GPC6: variants seen among roughly 807,000 people sequenced by gnomAD.
GPC6 encodes the protein glypican-6.
Under a neutral mutation model 55.2 loss-of-function variants are expected in GPC6, and 14 were observed. The ratio of observed to expected loss-of-function variants is 0.25; its 90% CI spans 0.17 to 0.40. GPC6 has a LOEUF of 0.40. GPC6 is among the 10% of genes least tolerant of loss of function. The pLI is 1.00. For synonymous variants in GPC6, 278 were observed against 259.6 expected, an observed-to-expected ratio of 1.07 and a Z score of -0.68; for missense variants, 641 against 708.5, an observed-to-expected ratio of 0.90 and a Z score of 1.08.
chr13:94,285,364 C>G (rs2139083288), intron 4 of GPC6, among the ~76,000 whole-genome samples: 1 of 152,206 alleles, frequency 6.6e-6, no homozygotes, highest in Non-Finnish European at 1.5e-5. Context: ...GCTTCAGAAC[C>G]TACAAGCCTA....
rs1470861367 is a variant in GPC6, at chr13:93,338,186, A to G, written c.160+110570A>G. ...AACGAGTGATTTCCACTGCAAAGTC[A>G]TTATCCCCGGTGAGTTGAATATGGG... On this transcript the variant is annotated intron_variant, in intron 1 of 8. Coordinates refer to ENST00000377047, the MANE Select transcript of GPC6 (RefSeq NM_005708.5). Among the ~76,000 whole-genome samples, 4 of 152,208 alleles carry G rather than the reference A, an allele frequency of 2.6e-5. No individual in the cohort carries two copies. In the South Asian group the frequency reaches 6.2e-4, roughly 24 times the overall value.
intron 2 of GPC6, among the ~76,000 whole-genome samples, chr13:93,776,227 T>G (rs1885462007): frequency 6.6e-6 from 1 of 152,158 alleles, no homozygotes; most frequent in African/African-American, 2.4e-5. Context: ...ATTATGTTAA[T>G]AGTGTTATTA....
rs1425978297 is a variant in GPC6, at chr13:94,135,310, A to G, written c.877+107416A>G. Among the ~76,000 whole-genome samples, 5 of 151,930 alleles carry G rather than the reference A, an allele frequency of 3.3e-5. No individual in the cohort carries two copies. The East Asian group carries it at 9.6e-4, about 29-fold the overall frequency. ...ATTAATTATATCTGAGATTTGACTTACACATTAGATGATTAAATATGTGCA... is the reference window on the plus strand; with the variant it reads ...ATTAATTATATCTGAGATTTGACTTGCACATTAGATGATTAAATATGTGCA... On this transcript the variant is annotated intron_variant, in intron 4 of 8. Transcript: ENST00000377047.
chr13:93,830,382 G>T lies in GPC6; in HGVS notation c.548G>T (p.Ser183Ile), dbSNP rs778531720. ...CTGATAAACCCTCAGTATCACTTCA[G>T]TGAAGACTACCTGGAATGTGTGAGC... ...FQLINPQYHFSEDYLECVSKY... is the reference protein window; with the variant it reads ...FQLINPQYHFIEDYLECVSKY... Residue 183 changes from serine (S) to isoleucine (I), a missense_variant, in exon 3 of 9, where the codon AGT (serine) becomes ATT (isoleucine). Physicochemically the swap from Ser to Ile is moderately radical, Grantham distance 142. Transcript: ENST00000377047. The T allele has an allele frequency of 2.5e-6, 4 of 1,613,928 alleles. No homozygotes were observed. The East Asian group carries it at 8.9e-5, about 36-fold the overall frequency.
chr13:93,670,103 T>C (rs1489460200), intron 2 of GPC6, among the ~76,000 whole-genome samples: 1 of 152,174 alleles, frequency 6.6e-6, no homozygotes, highest in Non-Finnish European at 1.5e-5. Flanking sequence ...CAGTTAAGTC[T>C]TCCTTTGGGA....
chr13:93,716,194 T>G (rs757532858), intron 2 of GPC6, among the ~76,000 whole-genome samples: 50 of 151,668 alleles, frequency 3.3e-4, no homozygotes, highest in Non-Finnish European at 5.9e-4. Flanking sequence ...TAAGTTACTA[T>G]GTCACTAATT....
chr13:94,233,864 AC>A (rs1391604838), intron 4 of GPC6, among the ~76,000 whole-genome samples: 1 of 152,170 alleles, frequency 6.6e-6, no homozygotes, highest in Non-Finnish European at 1.5e-5. Context: ...ACAGAAAAAA[AC>A]ATAGCATATA....
At chr13:94,358,642 GA>G (rs896000455) in intron 6 of GPC6, among the ~76,000 whole-genome samples, 1 of 152,188 alleles carries the variant, frequency 6.6e-6, no homozygotes, top group African/African-American at 2.4e-5. Context: ...TACAAGTTAA[GA>G]GTGCGAATCT....
chr13:93,352,122 T>C (rs1880652418), intron 1 of GPC6, among the ~76,000 whole-genome samples: 1 of 152,150 alleles, frequency 6.6e-6, no homozygotes, highest in Non-Finnish European at 1.5e-5. Context: ...GGATGTTCCC[T>C]TTTGAGGTGA....
At chr13:93,859,124 C>T in intron 3 of GPC6, among the ~76,000 whole-genome samples, 1 of 151,478 alleles carries the variant, frequency 6.6e-6, no homozygotes, top group East Asian at 2.0e-4. Flanking sequence ...ACCCAGCTAG[C>T]ATGTGGGCAA....
rs139769118 is a variant in GPC6 at position 94,252,435 on chromosome 13, G to A, written c.878-33914G>A. Among the ~76,000 whole-genome samples the A allele has an allele frequency of 7.7e-4, 117 of 152,094 alleles. No homozygotes were observed. The East Asian group carries it at 0.02, about 26-fold the overall frequency. Reference sequence around the variant, plus strand: ...CTCATATTTATTTTGTCATGATTACGCAATAAAAGGGGATTTTTATTATGT... The same window carrying A: ...CTCATATTTATTTTGTCATGATTACACAATAAAAGGGGATTTTTATTATGT... On this transcript the variant is annotated intron_variant, in intron 4 of 8. Coordinates refer to ENST00000377047, the MANE Select transcript of GPC6 (RefSeq NM_005708.5).
rs1419950444 is a variant in GPC6 at position 94,403,406 on chromosome 13, C to T, written c.*189C>T. The stretch of plus-strand genomic sequence containing the variant: ...TACCGGGTGCCAGACTGAACTGCTT[C>T]CTCTTTCCTTCAGCTATCTGTGGGG... On this transcript the variant is annotated 3_prime_UTR_variant, in exon 9 of 9. Transcript: ENST00000377047. 1.6e-6 allele frequency: 1 copy of T among 645,142 alleles called. No individual in the cohort carries two copies. Among genetic ancestry groups the T allele is most frequent in the Admixed American group, 2.2e-5 (1 of 45,976 alleles). The allele number at this position is 645,142 out of a possible 1,614,324, so 40.0% of individuals were successfully genotyped here.
intron 2 of GPC6, among the ~76,000 whole-genome samples, chr13:93,621,255 C>A (rs571141025): frequency 1.3e-4 from 20 of 152,198 alleles, no homozygotes; most frequent in Non-Finnish European, 2.4e-4. Context: ...GGTGACCTGG[C>A]GGTGATCCAT....
intron 1 of GPC6, among the ~76,000 whole-genome samples, chr13:93,258,487 T>C (rs1877030193): frequency 6.6e-6 from 1 of 152,146 alleles, no homozygotes; most frequent in South Asian, 2.1e-4. Context: ...GATGCTTCAC[T>C]TGTTCCTACT....
chr13:93,296,199 C>A (rs955589434), intron 1 of GPC6, among the ~76,000 whole-genome samples: 2 of 152,102 alleles, frequency 1.3e-5, no homozygotes, highest in Non-Finnish European at 2.9e-5. Flanking sequence ...GCCTGAGAGT[C>A]CTATTTGACT....
At chr13:93,265,895 C>T (rs1877307832) in intron 1 of GPC6, among the ~76,000 whole-genome samples, 2 of 151,702 alleles carry the variant, frequency 1.3e-5, no homozygotes, top group African/African-American at 4.9e-5. Flanking sequence ...GCCACCGCAG[C>T]TCTCAATTTT....
intron 2 of GPC6, among the ~76,000 whole-genome samples, chr13:93,807,954 A>G (rs2138946887): frequency 6.6e-6 from 1 of 152,306 alleles, no homozygotes; most frequent in Non-Finnish European, 1.5e-5. Context: ...AGTTTAAGGA[A>G]TTATAATTTT....
chr13:93,302,551 G>C (rs1375450003), intron 1 of GPC6, among the ~76,000 whole-genome samples: 1 of 152,188 alleles, frequency 6.6e-6, no homozygotes, highest in Non-Finnish European at 1.5e-5. Context: ...GATATTTATA[G>C]GGCTGAATGT....
At chr13:94,284,536 T>A (rs1296406213) in intron 4 of GPC6, among the ~76,000 whole-genome samples, 1 of 152,114 alleles carries the variant, frequency 6.6e-6, no homozygotes, top group East Asian at 1.9e-4. Context: ...GGTAGCTTTT[T>A]TTCAAACAAT....
Sources: gnomAD v4.1 joint callset for allele counts (sites outside exome capture counted in the v4.1 genomes callset) on GRCh38, gnomAD v4.1.1 for gene constraint, MANE v1.5 for transcripts, NCBI Gene and HGNC (gene_info 2026-07-23, HGNC 2026-07-21) for gene names.